The following PRKCB variants were observed in gnomAD, a reference collection of about 807,000 sequenced individuals.
PRKCB encodes the protein protein kinase C beta type.
PRKCB carries 13 observed loss-of-function variants against 81.5 expected under a neutral mutation model. The ratio of observed to expected loss-of-function variants is 0.16; its 90% CI spans 0.10 to 0.25. The LOEUF is 0.25. Ranked by LOEUF, PRKCB falls within the 10% of genes least tolerant of loss-of-function variation. The pLI is 1.00. For synonymous variants in PRKCB, 335 were observed against 321.4 expected (o/e 1.04, Z -0.45); for missense variants, 509 against 875.7 (o/e 0.58, Z 5.29).
chr16:24,037,881 C>T (rs570007692), intron 5 of PRKCB, among the ~76,000 whole-genome samples: 72 of 149,186 alleles, frequency 4.8e-4, no homozygotes, highest in African/African-American at 1.5e-3. Context: ...AAAAAAGAAA[C>T]GAAAAGAAAA....
intron 16 of PRKCB, among the ~76,000 whole-genome samples, chr16:24,213,621 T>C (rs897399823): frequency 6.6e-6 from 1 of 152,216 alleles, no homozygotes; most frequent in Non-Finnish European, 1.5e-5. Context: ...TTACTCCTAC[T>C]ACTATTATAC....
At chr16:24,211,367 G>A (rs372445637) in intron 16 of PRKCB, among the ~76,000 whole-genome samples, 63 of 152,066 alleles carry the variant, frequency 4.1e-4, no homozygotes, top group Non-Finnish European at 7.2e-4. Context: ...GCCATGATGC[G>A]TTGATCACAT....
At position 23,942,140 on chromosome 16, in the gene PRKCB, T is replaced by C. The variant is rs529286585; in HGVS notation, c.206-46368T>C. The stretch of plus-strand genomic sequence containing the variant: ...GACATAATGGAAAAATAATCCCTTT[T>C]GGTCTCCAGATGCCACCAGCTCCCT... On this transcript the variant is annotated intron_variant, in intron 2 of 16. Transcript: ENST00000643927. Among the ~76,000 whole-genome samples, 5 of 152,374 alleles carry C rather than the reference T, an allele frequency of 3.3e-5. No individual in the cohort carries two copies. The East Asian group carries it at 9.6e-4, about 29-fold the overall frequency.
chr16:23,925,930 G>GT (rs111232429), intron 2 of PRKCB, among the ~76,000 whole-genome samples: 1,754 of 145,334 alleles, frequency 0.012, 21 homozygotes, highest in African/African-American at 0.023. Context: ...CTCTTTCTGA[G>GT]TTTTTTTTTT....
chr16:24,089,342 AT>A (rs1210570593), intron 5 of PRKCB, among the ~76,000 whole-genome samples: 1 of 152,184 alleles, frequency 6.6e-6, no homozygotes, highest in Non-Finnish European at 1.5e-5. Flanking sequence ...AGTAATTTTT[AT>A]GCACACTAAG....
intron 10 of PRKCB, among the ~76,000 whole-genome samples, chr16:24,156,064 A>G (rs1967151429): frequency 6.6e-6 from 1 of 152,190 alleles, no homozygotes; most frequent in Non-Finnish European, 1.5e-5. Context: ...CTCATTAGGG[A>G]TTGTAAAATG....
chr16:24,136,567 C>T (rs1227325622), intron 9 of PRKCB, among the ~76,000 whole-genome samples: 1 of 152,192 alleles, frequency 6.6e-6, no homozygotes, highest in African/African-American at 2.4e-5. Flanking sequence ...CACCACCTCT[C>T]TCAGCCTTGT....
intron 9 of PRKCB, among the ~76,000 whole-genome samples, 187 bp downstream of exon 9, chr16:24,124,168 G>A (rs961998063): frequency 2.0e-5 from 3 of 152,150 alleles, no homozygotes; most frequent in Non-Finnish European, 4.4e-5. Flanking sequence ...ACAAAAAGGC[G>A]ACCCTTTCAG....
At chr16:23,840,981 T>G (rs770729159) in intron 2 of PRKCB, among the ~76,000 whole-genome samples, 1 of 152,196 alleles carries the variant, frequency 6.6e-6, no homozygotes, top group African/African-American at 2.4e-5. Context: ...GGGCTGAAGA[T>G]CCCTATTGTA....
intron 3 of PRKCB, among the ~76,000 whole-genome samples, chr16:24,022,265 GA>G (rs758587734): frequency 6.6e-6 from 1 of 152,094 alleles, no homozygotes; most frequent in East Asian, 1.9e-4. Flanking sequence ...GAGTCTGGCA[GA>G]GGTCCCAAAT....
At chr16:24,161,980 T>G (rs950419119) in intron 10 of PRKCB, among the ~76,000 whole-genome samples, 10 of 152,198 alleles carry the variant, frequency 6.6e-5, no homozygotes, top group African/African-American at 2.2e-4. Context: ...TAAGTTTCTT[T>G]AGCAAAACAT....
At chr16:24,120,209 G>C (rs929572902) in intron 8 of PRKCB, among the ~76,000 whole-genome samples, 1 of 152,090 alleles carries the variant, frequency 6.6e-6, no homozygotes, top group Non-Finnish European at 1.5e-5. Context: ...TGCGGGGGGC[G>C]TCGACTGGGA....
intron 11 of PRKCB, among the ~76,000 whole-genome samples, chr16:24,172,869 T>A (rs550560083): frequency 6.6e-6 from 1 of 152,330 alleles, no homozygotes; most frequent in East Asian, 1.9e-4. Flanking sequence ...CATTTGCTAA[T>A]ATTTATTGAG....
rs1405010803 is a variant in PRKCB, at chr16:23,875,546, GTA to G, written c.205+38142_205+38143del. Among the ~76,000 whole-genome samples, 298 of 64,836 alleles carry G rather than the reference GTA, an allele frequency of 4.6e-3. 22 individuals are homozygous for G. The highest frequency in any genetic ancestry group is 0.012 in the South Asian group (22 of 1,766). 42.5% of individuals were successfully genotyped at this position (64,836 alleles called of 152,430 possible). A position where few individuals can be genotyped will look rare whatever the true frequency, so the allele number is the denominator to read the frequency against. On this transcript the variant is annotated intron_variant, in intron 2 of 16. Transcript: ENST00000643927. ...ACATATGTGTATATCACACACATAT[GTA>G]TGTATATCACACACATGTGTATATC... is the stretch of plus-strand genomic sequence containing the variant.
chr16:24,173,588 A>C (rs1177485809), intron 11 of PRKCB, among the ~76,000 whole-genome samples: 1 of 152,202 alleles, frequency 6.6e-6, no homozygotes, highest in Non-Finnish European at 1.5e-5. Context: ...TTTTACTTCT[A>C]ACATCTAATT....
chr16:24,151,710 G>T (rs9925101), intron 9 of PRKCB: 290 of 439,450 alleles, frequency 6.6e-4, no homozygotes, highest in African/African-American at 5.3e-3. Flanking sequence ...AGAACAGGAT[G>T]TGGTCATGGA....
At chr16:24,082,655 A>G (rs769021682) in intron 5 of PRKCB, among the ~76,000 whole-genome samples, 68 of 152,322 alleles carry the variant, frequency 4.5e-4, no homozygotes, top group Middle Eastern at 3.4e-3. Context: ...AGACATTCAT[A>G]TGAAAACAAA....
intron 2 of PRKCB, among the ~76,000 whole-genome samples, chr16:23,873,225 C>T: frequency 6.9e-6 from 1 of 145,248 alleles, no homozygotes; most frequent in Non-Finnish European, 1.5e-5. Context: ...AAAAAGTTAG[C>T]TGAGTGTGGT....
chr16:24,077,595 T>C (rs1361419310), intron 5 of PRKCB, among the ~76,000 whole-genome samples: 1 of 152,202 alleles, frequency 6.6e-6, no homozygotes, highest in East Asian at 1.9e-4. Flanking sequence ...CATCCATCCA[T>C]GTAATCATAT....
Sources: gnomAD v4.1 joint callset for allele counts (sites outside exome capture counted in the v4.1 genomes callset) on GRCh38, gnomAD v4.1.1 for gene constraint, MANE v1.5 for transcripts, NCBI Gene and HGNC (gene_info 2026-07-23, HGNC 2026-07-21) for gene names.